PPP1R12A: variants seen among roughly 807,000 people sequenced by gnomAD.
The protein encoded by PPP1R12A is protein phosphatase 1 regulatory subunit 12A.
In PPP1R12A, 19 loss-of-function variants were observed where a neutral mutation model predicts 139.6. The observed-to-expected ratio is 0.14, with a 90% confidence interval of 0.09 to 0.20. The LOEUF (loss-of-function observed/expected upper bound fraction) is 0.20, where lower values mean the gene tolerates loss of function less well. Ranked by LOEUF, PPP1R12A falls within the 10% of genes least tolerant of loss-of-function variation. The probability of loss-of-function intolerance (pLI) is 1.00; values close to 1 mark genes in which losing one functional copy is unlikely to be tolerated. For missense variants in PPP1R12A, 925 were observed against 1,211.5 expected, an observed-to-expected ratio of 0.76 and a Z score of 3.51; for synonymous variants, 427 against 420.6, an observed-to-expected ratio of 1.02 and a Z score of -0.19.
chr12:79,854,290 C>T (rs994827259), intron 2 of PPP1R12A, among the ~76,000 whole-genome samples: 5 of 152,010 alleles, frequency 3.3e-5, no homozygotes, highest in Admixed American at 1.3e-4. Flanking sequence ...TTTTTAAAAT[C>T]GGTATTTATG....
At chr12:79,817,359 T>C in intron 9 of PPP1R12A, 35 bp downstream of exon 9, 3 of 1,589,032 alleles carry the variant, frequency 1.9e-6, no homozygotes, top group Non-Finnish European at 1.7e-6. Flanking sequence ...ATAAATAGAA[T>C]ACATGTATTT....
intron 3 of PPP1R12A, among the ~76,000 whole-genome samples, chr12:79,843,806 C>T (rs184123328): frequency 2.0e-3 from 301 of 151,488 alleles, no homozygotes; most frequent in African/African-American, 7.1e-3. Context: ...CGGGTTCAAG[C>T]AATTCTCCTG....
intron 1 of PPP1R12A, among the ~76,000 whole-genome samples, chr12:79,919,920 T>C (rs1379384569): frequency 1.3e-5 from 2 of 152,210 alleles, no homozygotes; most frequent in Non-Finnish European, 2.9e-5. Context: ...AAATAACCCA[T>C]TTAAAGTGTA....
At chr12:79,831,891 T>C (rs1877475108) in intron 4 of PPP1R12A, among the ~76,000 whole-genome samples, 2 of 152,140 alleles carry the variant, frequency 1.3e-5, no homozygotes, top group South Asian at 4.1e-4. Flanking sequence ...CCAGTGTTCA[T>C]GTAGTAAAAA....
intron 1 of PPP1R12A, among the ~76,000 whole-genome samples, chr12:79,923,962 T>TTCAA (rs1346910027): frequency 6.6e-6 from 1 of 152,062 alleles, no homozygotes; most frequent in African/African-American, 2.4e-5. Context: ...GAGAATCACT[T>TTCAA]GAACCTGGGA....
chr12:79,788,708 T>C lies in PPP1R12A; in HGVS notation c.2742A>G (p.Leu914=). ...LLGRSGSYSY[L]EERKPYSSRL... ...TGCTGCTGTAAGGTTTTCTTTCTTCTAAGTAACTGTATGATCCAGAGCGAC... is the reference window on the plus strand; with the variant it reads ...TGCTGCTGTAAGGTTTTCTTTCTTCCAAGTAACTGTATGATCCAGAGCGAC... Residue 914 remains leucine, a synonymous_variant, in exon 21 of 25, where the codon TTA becomes TTG. Transcript: ENST00000450142. 1 of 1,613,498 alleles carries C rather than the reference T, an allele frequency of 6.2e-7. No homozygotes were observed. Among genetic ancestry groups the C allele is most frequent in the East Asian group, 2.2e-5 (1 of 44,816 alleles).
intron 2 of PPP1R12A, among the ~76,000 whole-genome samples, chr12:79,848,032 A>G (rs1443321364): frequency 6.6e-6 from 1 of 152,186 alleles, no homozygotes; most frequent in African/African-American, 2.4e-5. Flanking sequence ...TGTGTTAACC[A>G]AGTTTTCTGT....
chr12:79,904,648 GCTCT>G (rs1317184224), intron 1 of PPP1R12A, among the ~76,000 whole-genome samples: 8 of 152,066 alleles, frequency 5.3e-5, no homozygotes, highest in Non-Finnish European at 1.2e-4. Flanking sequence ...TTTTTCACTT[GCTCT>G]CTATTTCTTT....
intron 12 of PPP1R12A, 98 bp from the exon 13 acceptor site, chr12:79,806,431 T>G: frequency 8.7e-7 from 1 of 1,150,726 alleles, no homozygotes. Context: ...GAAAAAAAAT[T>G]TAAAAACTGT....
At chr12:79,857,344 ACAC>A (rs2137264757) in intron 2 of PPP1R12A, among the ~76,000 whole-genome samples, 1 of 150,488 alleles carries the variant, frequency 6.6e-6, no homozygotes, top group East Asian at 2.0e-4. Flanking sequence ...AAAAAACCAA[ACAC>A]CACATGTTCT....
intron 5 of PPP1R12A, among the ~76,000 whole-genome samples, chr12:79,826,160 T>C (rs185389733): frequency 6.6e-6 from 1 of 152,070 alleles, no homozygotes; most frequent in Admixed American, 6.6e-5. Flanking sequence ...CTTAGCAGAA[T>C]AAAAAGATAA....
At chr12:79,786,795 T>G (rs1871189500) in intron 21 of PPP1R12A, 1 of 181,782 alleles carries the variant, frequency 5.5e-6, no homozygotes, top group South Asian at 1.3e-4. Context: ...CAACTGCAGC[T>G]AGGGCTAAGG....
chr12:79,807,695 T>C (rs577529921), intron 11 of PPP1R12A, among the ~76,000 whole-genome samples: 4 of 151,960 alleles, frequency 2.6e-5, no homozygotes, highest in African/African-American at 9.6e-5. Flanking sequence ...TATGAGATCT[T>C]AGGGGAAAAA....
intron 6 of PPP1R12A, among the ~76,000 whole-genome samples, chr12:79,821,414 C>T (rs191575996): frequency 2.6e-5 from 4 of 152,166 alleles, no homozygotes; most frequent in South Asian, 2.1e-4. Flanking sequence ...CTGAAAAAGT[C>T]GAGATCCACT....
At chr12:79,899,382 T>C (rs1199957307) in intron 1 of PPP1R12A, among the ~76,000 whole-genome samples, 1 of 152,000 alleles carries the variant, frequency 6.6e-6, no homozygotes, top group Middle Eastern at 3.4e-3. Context: ...TGTCCCTTTC[T>C]GGTCTGTCTC....
At chr12:79,784,127 G>A (rs1442411498) in intron 22 of PPP1R12A, among the ~76,000 whole-genome samples, 1 of 151,810 alleles carries the variant, frequency 6.6e-6, no homozygotes, top group African/African-American at 2.4e-5. Flanking sequence ...GCAAATATTT[G>A]TGTATTTGTG....
At chr12:79,855,523 T>C (rs1880544298) in intron 2 of PPP1R12A, among the ~76,000 whole-genome samples, 1 of 152,170 alleles carries the variant, frequency 6.6e-6, no homozygotes, top group African/African-American at 2.4e-5. Flanking sequence ...AAATGGTAAC[T>C]GTTTTAAGGT....
At chr12:79,787,529 A>C (rs1592611765) in intron 21 of PPP1R12A, 4 of 151,646 alleles carry the variant, frequency 2.6e-5, no homozygotes, top group Admixed American at 2.6e-4. Context: ...TTTTTTTTTG[A>C]GATAACAGTT....
At position 79,809,660 on chromosome 12, in the gene PPP1R12A, C is replaced by T. The variant is rs559490159; in HGVS notation, c.1455+135G>A. 58 of 659,598 alleles carry T rather than the reference C, an allele frequency of 8.8e-5. No individual in the cohort carries two copies. The East Asian group carries it at 1.5e-3, about 18-fold the overall frequency. 40.9% of individuals were successfully genotyped at this position (659,598 alleles called of 1,614,324 possible). On this transcript the variant is annotated intron_variant, in intron 10 of 24. Transcript: ENST00000450142. Reference sequence around the variant, plus strand: ...ATAATTCTGTATAAATTACATTTGTCTTATGTAATTCATTAAGGTTAATTA... The same window carrying T: ...ATAATTCTGTATAAATTACATTTGTTTTATGTAATTCATTAAGGTTAATTA...
Sources: allele counts gnomAD v4.1 joint callset (sites outside exome capture counted in the v4.1 genomes callset), GRCh38; gene constraint gnomAD v4.1.1; transcripts MANE v1.5; gene names NCBI Gene and HGNC (gene_info 2026-07-23, HGNC 2026-07-21).